The following FN3K variants were observed in gnomAD, a reference collection of about 807,000 sequenced individuals.
FN3K encodes the protein fructosamine-3-kinase.
A neutral mutation model predicts 24.8 loss-of-function variants in FN3K; 24 were observed. That is an observed-to-expected ratio of 0.97 (90% confidence interval 0.70 to 1.36). FN3K has a LOEUF of 1.36. Ranked by LOEUF, FN3K falls within the 40% of genes most tolerant of loss-of-function variation. The pLI is 0.00. For missense variants in FN3K, 449 were observed against 416.7 expected, an observed-to-expected ratio of 1.08 and a Z score of -0.67; for synonymous variants, 192 against 175.2, an observed-to-expected ratio of 1.10 and a Z score of -0.76.
rs768031302 is a variant in FN3K at position 82,750,767 on chromosome 17, C to T, written c.*12C>T. 12 of 1,603,944 alleles carry T rather than the reference C, an allele frequency of 7.5e-6. No homozygotes were observed. The South Asian group carries it at 1.1e-4, about 15-fold the overall frequency. On this transcript the variant is annotated 3_prime_UTR_variant, in exon 6 of 6. Coordinates refer to ENST00000300784, the MANE Select transcript of FN3K (RefSeq NM_022158.4). Reference sequence around the variant, plus strand: ...GGCTGCTCAAGTAGCGGCCCCTGCCCTCCCTTCCCCTGTCCCCGTCCCCGT... The same window carrying T: ...GGCTGCTCAAGTAGCGGCCCCTGCCTTCCCTTCCCCTGTCCCCGTCCCCGT...
chr17:82,736,129 A>C, intron 1 of FN3K: 1 of 267,258 alleles, frequency 3.7e-6, no homozygotes, highest in Non-Finnish European at 7.2e-6. Context: ...AAGCAGAGAC[A>C]TGGCTGGGCC....
In FN3K at chr17:82,739,966, C is replaced by T. The variant is rs1434800184; in HGVS notation, c.294-797C>T. 3.9e-5 allele frequency among the ~76,000 whole-genome samples: 6 copies of T among 152,114 alleles called. No individual in the cohort carries two copies. The East Asian group carries it at 1.2e-3, about 29-fold the overall frequency. On this transcript the variant is annotated intron_variant, in intron 2 of 5. Transcript: ENST00000300784. ...TCGCCCAGGCTGGAGTGCAGTGGTGCAGTCTAGGCTCACTGCAAGCTCTGC... is the reference window on the plus strand; with the variant it reads ...TCGCCCAGGCTGGAGTGCAGTGGTGTAGTCTAGGCTCACTGCAAGCTCTGC...
At chr17:82,739,531 C>T (rs1448826221) in intron 2 of FN3K, among the ~76,000 whole-genome samples, 2 of 149,750 alleles carry the variant, frequency 1.3e-5, no homozygotes, top group East Asian at 2.0e-4. Flanking sequence ...GATCTTGGCT[C>T]ATTGCAAACT....
chr17:82,750,307 G>A (rs2046999056), intron 5 of FN3K, 110 bp from the exon 6 acceptor site: 1 of 959,650 alleles, frequency 1.0e-6, no homozygotes, highest in Non-Finnish European at 1.6e-6. Flanking sequence ...GCAGTGCTGG[G>A]GCTGGACACC....
At chr17:82,741,585 TG>T (rs2046941576) in intron 4 of FN3K, 192 bp downstream of exon 4, 1 of 561,224 alleles carries the variant, frequency 1.8e-6, no homozygotes. Flanking sequence ...GGCAGGGTCA[TG>T]GGACATGCTG....
At chr17:82,739,700 A>G (rs1323734923) in intron 2 of FN3K, among the ~76,000 whole-genome samples, 1 of 151,176 alleles carries the variant, frequency 6.6e-6, no homozygotes, top group Non-Finnish European at 1.5e-5. Context: ...CTCGTGATCT[A>G]CCCGCCTTGA....
Position 82,735,772 on chromosome 17 carries a change from A to C in FN3K, c.136A>C (p.Thr46Pro). The stretch of plus-strand genomic sequence containing the variant: ...AGTGTTCGTCAAAGTCAACCGCAGG[A>C]CGCAGGTGCTGGCCCGTGCGCAGGC... ...GPVFVKVNRR[T>P]QARQMFEGEV... is the part of the protein sequence containing the mutation. Residue 46 changes from threonine to proline, a missense_variant, in exon 1 of 6, where the codon ACG (threonine) becomes CCG (proline). Coordinates refer to ENST00000300784, the MANE Select transcript of FN3K (RefSeq NM_022158.4). 6.4e-7 allele frequency: 1 copy of C among 1,561,892 alleles called. No homozygotes were observed. The highest frequency in any genetic ancestry group is 2.3e-5 in the East Asian group (1 of 42,790).
At chr17:82,738,923 C>CACGTATATATATAT (rs2046922898) in intron 2 of FN3K, among the ~76,000 whole-genome samples, 1 of 40,206 alleles carries the variant, frequency 2.5e-5, no homozygotes. Flanking sequence ...TATATATATA[C>CACGTATATATATAT]ACATATATAT....
At chr17:82,743,720 T>G (rs151180070) in intron 4 of FN3K, among the ~76,000 whole-genome samples, 71 of 152,336 alleles carry the variant, frequency 4.7e-4, no homozygotes, top group Middle Eastern at 3.4e-3. Context: ...TGATCCGTTT[T>G]ATAGATGAGG....
chr17:82,740,483 T>C (rs540766519), intron 2 of FN3K, among the ~76,000 whole-genome samples: 9 of 147,958 alleles, frequency 6.1e-5, no homozygotes, highest in Middle Eastern at 3.6e-3. Context: ...TCCCAGCTAG[T>C]TGTGAGGCTG....
At chr17:82,736,790 G>T (rs185696557) in intron 1 of FN3K, among the ~76,000 whole-genome samples, 1 of 152,196 alleles carries the variant, frequency 6.6e-6, no homozygotes, top group Non-Finnish European at 1.5e-5. Flanking sequence ...CTGCTCTGCC[G>T]GCTCAGAACC....
intron 4 of FN3K, 157 bp downstream of exon 4, chr17:82,741,550 C>G (rs184883075): frequency 1.5e-6 from 1 of 686,674 alleles, no homozygotes; most frequent in Non-Finnish European, 2.5e-6. Context: ...GGAGAGCAGA[C>G]GCTGAGGGTC....
intron 4 of FN3K, among the ~76,000 whole-genome samples, chr17:82,746,131 A>AAGTGGTTG (rs1422419242): frequency 1.3e-5 from 2 of 151,676 alleles, no homozygotes; most frequent in Non-Finnish European, 2.9e-5. Context: ...CTCTTTTCCA[A>AAGTGGTTG]AGTGGTTGCA....
intron 4 of FN3K, among the ~76,000 whole-genome samples, chr17:82,746,908 C>T (rs796312714): frequency 4.6e-5 from 7 of 151,884 alleles, no homozygotes; most frequent in African/African-American, 1.7e-4. Context: ...CACTGCAACC[C>T]CTGCCTCCTG....
chr17:82,747,972 T>C (rs1379716940), intron 4 of FN3K, among the ~76,000 whole-genome samples: 3 of 152,192 alleles, frequency 2.0e-5, no homozygotes, highest in African/African-American at 4.8e-5. Flanking sequence ...ATATGGGATT[T>C]ATCTATTTTT....
chr17:82,749,051 T>C (rs2046985416), intron 5 of FN3K, 74 bp downstream of exon 5: 7 of 1,603,372 alleles, frequency 4.4e-6, no homozygotes, highest in African/African-American at 4.0e-5. Flanking sequence ...CGGGTTCATC[T>C]GTAAAACGGA....
intron 4 of FN3K, among the ~76,000 whole-genome samples, chr17:82,742,058 C>T (rs535879495): frequency 3.3e-4 from 51 of 152,276 alleles, no homozygotes; most frequent in African/African-American, 1.2e-3. Flanking sequence ...CAGGCATGCA[C>T]CACCACACCC....
At position 82,750,458 on chromosome 17, in the gene FN3K, C is replaced by A; in HGVS notation, c.633C>A (p.Pro211=). The A allele has an allele frequency of 6.2e-7, 1 of 1,614,178 alleles. No homozygotes were observed. Among genetic ancestry groups the A allele is most frequent in the Non-Finnish European group, 8.5e-7 (1 of 1,180,024 alleles). ...TGTTTTGTGGCCTAGAGATTGTCCCCGCGTTGCTCCACGGGGATCTCTGGT... is the reference window on the plus strand; with the variant it reads ...TGTTTTGTGGCCTAGAGATTGTCCCAGCGTTGCTCCACGGGGATCTCTGGT... The part of the protein sequence containing the change: ...PDLFCGLEIV[P]ALLHGDLWSG... Residue 211 remains proline, a synonymous_variant, in exon 6 of 6, where the codon CCC becomes CCA. Coordinates refer to ENST00000300784, the MANE Select transcript of FN3K (RefSeq NM_022158.4).
chr17:82,738,584 G>C lies in FN3K; in HGVS notation c.237G>C (p.Leu79=). The C allele has an allele frequency of 6.2e-7, 1 of 1,614,068 alleles. No homozygotes were observed. Among genetic ancestry groups the C allele is most frequent in the Admixed American group, 1.7e-5 (1 of 60,018 alleles). ...CGAGGCCCATGAAGGTCATCGACCT[G>C]CCGGGAGGTGGGGCCGCCTTTGTGA... is the stretch of plus-strand genomic sequence containing the variant. The part of the protein sequence containing the change: ...RVPRPMKVID[L]PGGGAAFVME... Residue 79 remains leucine (L), a synonymous_variant, in exon 2 of 6, where the codon CTG becomes CTC. Coordinates refer to ENST00000300784, the MANE Select transcript of FN3K (RefSeq NM_022158.4).
Sources: gnomAD v4.1 joint callset for allele counts (sites outside exome capture counted in the v4.1 genomes callset) on GRCh38, gnomAD v4.1.1 for gene constraint, MANE v1.5 for transcripts, NCBI Gene and HGNC (gene_info 2026-07-23, HGNC 2026-07-21) for gene names.